ACOT11: variants seen among roughly 807,000 people sequenced by gnomAD.
ACOT11 encodes the protein acyl-CoA thioesterase 11, also known as acyl-coenzyme A thioesterase 11.
ACOT11 carries 69 observed loss-of-function variants against 77.5 expected under a neutral mutation model. The ratio of observed to expected loss-of-function variants is 0.89; its 90% confidence interval spans 0.73 to 1.09. The LOEUF is 1.09. ACOT11 is among the 50% of genes least tolerant of loss of function. The pLI, the probability that ACOT11 is intolerant of heterozygous loss-of-function variation, is 0.00. For synonymous variants in ACOT11, 279 were observed against 313.0 expected (o/e 0.89, Z 1.15); for missense variants, 766 against 813.7 (o/e 0.94, Z 0.71).
At chr1:54,620,349 G>A (rs758962081) in intron 15 of ACOT11, among the ~76,000 whole-genome samples, 5 of 152,250 alleles carry the variant, frequency 3.3e-5, no homozygotes, top group Admixed American at 2.6e-4. Flanking sequence ...CTTCAGGAGA[G>A]TGCAGTTGCC....
downstream of ACOT11, among the ~76,000 whole-genome samples, chr1:54,614,094 A>G (rs183122070): frequency 3.3e-5 from 5 of 152,374 alleles, no homozygotes; most frequent in Admixed American, 6.5e-5. Context: ...CACTATTGTC[A>G]GCTTTATCAT....
Position 54,593,953 on chromosome 1 carries a change from G to T in ACOT11, c.385G>T (p.Val129Leu), listed in dbSNP as rs1569733664. ...FNSSMEVGIQ[V>L]ASEDLCSEKQ... is the part of the protein sequence containing the mutation. The stretch of plus-strand genomic sequence containing the variant: ...TGTTCCTCTCCAGGTGGGCATCCAG[G>T]TGGCCTCGGAGGACCTGTGCTCTGA... The change falls in exon 5 of 16, where the codon GTG becomes TTG. Residue 129 changes from valine (V) to leucine (L), a missense_variant. Physicochemically the swap from Val to Leu is conservative, Grantham distance 32. Coordinates refer to ENST00000343744, the MANE Select transcript of ACOT11 (RefSeq NM_147161.4). 2 of 1,614,112 alleles carry T rather than the reference G, an allele frequency of 1.2e-6. No individual in the cohort carries two copies. The highest frequency in any genetic ancestry group is 1.3e-5 in the African/African-American group (1 of 75,066).
downstream of ACOT11, chr1:54,614,885 G>A: frequency 2.5e-6 from 4 of 1,608,672 alleles, no homozygotes; most frequent in Non-Finnish European, 3.4e-6. Flanking sequence ...CAAGGGCTTG[G>A]GGAAATGGCG....
intron 1 of ACOT11, among the ~76,000 whole-genome samples, chr1:54,568,469 A>G (rs1374973982): frequency 6.7e-6 from 1 of 149,130 alleles, no homozygotes; most frequent in Non-Finnish European, 1.5e-5. Context: ...GGTTCAAGCA[A>G]TTCTCCTGCC....
intron 1 of ACOT11, among the ~76,000 whole-genome samples, chr1:54,561,483 A>G (rs1653483120): frequency 8.5e-6 from 1 of 117,868 alleles, no homozygotes; most frequent in Non-Finnish European, 1.7e-5. Context: ...ACGAAATGAA[A>G]AGTCTCCCAT....
chr1:54,561,119 TTTA>T lies in ACOT11; in HGVS notation c.33+12780_33+12782del, dbSNP rs1173009120. ...TTTTTTTATTTTTTAAATTTATTTT[TTTA>T]TTGATAATTCTTGGGTGTTTCTCAC... On this transcript the variant is annotated intron_variant, in intron 1 of 15. Transcript: ENST00000343744. 4.4e-3 allele frequency among the ~76,000 whole-genome samples: 665 copies of T among 151,222 alleles called. 2 individuals carry two copies. Among genetic ancestry groups the T allele is most frequent in the Middle Eastern group, 0.017 (5 of 294 alleles).
Position 54,607,998 on chromosome 1 carries a change from C to T in ACOT11, c.1559C>T (p.Pro520Leu), listed in dbSNP as rs774968435. Reference sequence around the variant, plus strand: ...ACGCTGCCCACACACCGAGAGACGCCAGAGTACAGACGCGGAGAGACCCTC... The same window carrying T: ...ACGCTGCCCACACACCGAGAGACGCTAGAGTACAGACGCGGAGAGACCCTC... ...SVTLPTHRET[P>L]EYRRGETLCS... is the part of the protein sequence containing the mutation. Residue 520 changes from proline (P) to leucine (L), a missense_variant, in exon 15 of 16, where the codon CCA becomes CTA. Coordinates refer to ENST00000343744, the MANE Select transcript of ACOT11 (RefSeq NM_147161.4). The surrounding 1 kb of genome is among the most constrained non-coding windows in gnomAD (Gnocchi z 4.5). The T allele has an allele frequency of 1.2e-6, 2 of 1,613,902 alleles. No homozygotes were observed. The highest frequency in any genetic ancestry group is 1.3e-5 in the African/African-American group (1 of 74,972).
At position 54,631,755 on chromosome 1, in the gene ACOT11, T is replaced by A. The variant is rs553679666; in HGVS notation, c.1782+869T>A. ...AGCAGGGACCAAGGGAACCATAGGTTGATTTTATAGCTCGGTTACAGGAGT... is the reference window on the plus strand; with the variant it reads ...AGCAGGGACCAAGGGAACCATAGGTAGATTTTATAGCTCGGTTACAGGAGT... On this transcript the variant is annotated intron_variant, in intron 16 of 16. Transcript: ENST00000371316. 1.2e-4 allele frequency among the ~76,000 whole-genome samples: 19 copies of A among 152,314 alleles called. No individual in the cohort carries two copies. In the East Asian group the frequency reaches 3.7e-3, roughly 29 times the overall value.
intron 1 of ACOT11, among the ~76,000 whole-genome samples, chr1:54,560,090 G>C (rs1353104225): frequency 6.6e-6 from 1 of 152,196 alleles, no homozygotes; most frequent in Non-Finnish European, 1.5e-5. Context: ...GGGCAGACCA[G>C]AGTCTGACAC....
chr1:54,561,736 A>ACC (rs571038107), intron 1 of ACOT11, among the ~76,000 whole-genome samples: 4 of 57,432 alleles, frequency 7.0e-5, no homozygotes, highest in East Asian at 4.4e-4. Context: ...AGGGGGGCTG[A>ACC]CCCCCCCCAC....
At position 54,610,066 on chromosome 1, in the gene ACOT11, C is replaced by CA. The variant is rs1166700697; in HGVS notation, c.*956dup. 2.1e-6 allele frequency: 3 copies of CA among 1,440,214 alleles called. No homozygotes were observed. The highest frequency in any genetic ancestry group is 2.7e-6 in the Non-Finnish European group (3 of 1,102,274). 89.2% of individuals were successfully genotyped at this position (1,440,214 alleles called of 1,614,324 possible). On this transcript the variant is annotated 3_prime_UTR_variant, in exon 16 of 16. Transcript: ENST00000343744. The stretch of plus-strand genomic sequence containing the variant: ...AGGACCTTGCCTCTCTGGAATCTGT[C>CA]AACCCAGTTTTGGGCTCCAGGTGGA...
At chr1:54,604,473 A>C (rs1208900013) in intron 12 of ACOT11, 44 bp downstream of exon 12, 1 of 1,576,388 alleles carries the variant, frequency 6.3e-7, no homozygotes, top group Non-Finnish European at 8.7e-7. Flanking sequence ...CATCTGAGCC[A>C]GAGGTGGCTA....
chr1:54,604,550 GA>G, intron 12 of ACOT11, 121 bp downstream of exon 12: 1 of 962,820 alleles, frequency 1.0e-6, no homozygotes, highest in Non-Finnish European at 1.6e-6. Flanking sequence ...AGAATTGGGT[GA>G]GATCAAGAAA....
intron 1 of ACOT11, among the ~76,000 whole-genome samples, chr1:54,581,267 T>G (rs1052547326): frequency 9.2e-5 from 14 of 152,216 alleles, no homozygotes; most frequent in African/African-American, 3.1e-4. Flanking sequence ...TCATTGGGAC[T>G]TGGATACTGG....
chr1:54,610,509 G>A (rs371294069), downstream of ACOT11: 9 of 1,613,608 alleles, frequency 5.6e-6, 1 homozygote, highest in Middle Eastern at 1.7e-4. Context: ...GGAGAAGAGG[G>A]ATCAGGCTGC....
downstream of ACOT11, among the ~76,000 whole-genome samples, chr1:54,615,262 TAG>T (rs1001761573): frequency 4.7e-4 from 72 of 151,808 alleles, no homozygotes; most frequent in African/African-American, 1.6e-3. Context: ...TGCATTTGAG[TAG>T]AGGAGGAGAT....
chr1:54,559,569 T>C (rs1653393937), intron 1 of ACOT11, among the ~76,000 whole-genome samples: 1 of 151,890 alleles, frequency 6.6e-6, no homozygotes, highest in Non-Finnish European at 1.5e-5. Context: ...ACTCGGCACA[T>C]AATTGGCCAT....
chr1:54,612,808 T>C, downstream of ACOT11: 1 of 850,224 alleles, frequency 1.2e-6, no homozygotes, highest in East Asian at 2.6e-5. Context: ...CAGAGCCTAT[T>C]GGATCTATGA....
intron 1 of ACOT11, among the ~76,000 whole-genome samples, chr1:54,581,730 C>T (rs2100975223): frequency 6.6e-6 from 1 of 152,264 alleles, no homozygotes; most frequent in South Asian, 2.1e-4. Context: ...TTGGCTCGGC[C>T]TGCCTGGCTG....
Sources: gnomAD v4.1 joint callset for allele counts (sites outside exome capture counted in the v4.1 genomes callset) on GRCh38, gnomAD v4.1.1 for gene constraint, Gnocchi (gnomAD v3.1) non-coding constraint, MANE v1.5 for transcripts, NCBI Gene and HGNC (gene_info 2026-07-23, HGNC 2026-07-21) for gene names.